The following ZNF385D variants were observed in gnomAD, a reference collection of about 807,000 sequenced individuals.
ZNF385D encodes the protein zinc finger protein 659.
In ZNF385D, 15 loss-of-function variants were observed where a neutral mutation model predicts 35.8. That is an observed-to-expected ratio of 0.42 (90% CI 0.28 to 0.64). ZNF385D has a LOEUF of 0.64. ZNF385D is among the 30% of genes least tolerant of loss of function. The pLI, the probability that ZNF385D is intolerant of heterozygous loss-of-function variation, is 0.23. For missense variants in ZNF385D, 474 were observed against 494.6 expected, an observed-to-expected ratio of 0.96 and a Z score of 0.39; for synonymous variants, 212 against 186.8, an observed-to-expected ratio of 1.13 and a Z score of -1.10.
intron 2 of ZNF385D, among the ~76,000 whole-genome samples, chr3:21,623,687 C>G (rs2065064915): frequency 6.6e-6 from 1 of 152,082 alleles, no homozygotes; most frequent in South Asian, 2.1e-4. Context: ...AAACAAAAAA[C>G]CACAATGTCT....
intron 3 of ZNF385D, among the ~76,000 whole-genome samples, chr3:21,825,667 G>T (rs1694559300): frequency 6.6e-6 from 1 of 152,318 alleles, no homozygotes; most frequent in Non-Finnish European, 1.5e-5. Context: ...CAAGACAGAA[G>T]AGAGGGACGC....
chr3:21,900,596 G>A (rs1259786890), intron 3 of ZNF385D, among the ~76,000 whole-genome samples: 2 of 151,924 alleles, frequency 1.3e-5, no homozygotes, highest in Non-Finnish European at 2.9e-5. Context: ...TAGATACATG[G>A]GGCCAGAATA....
At chr3:21,963,375 G>A (rs774951536) in intron 3 of ZNF385D, among the ~76,000 whole-genome samples, 8 of 152,166 alleles carry the variant, frequency 5.3e-5, no homozygotes, top group African/African-American at 1.2e-4. Flanking sequence ...TCAACTCTAC[G>A]TAGAACCGCA....
intron 3 of ZNF385D, among the ~76,000 whole-genome samples, chr3:22,066,711 G>A (rs960538880): frequency 6.6e-6 from 1 of 152,108 alleles, no homozygotes; most frequent in African/African-American, 2.4e-5. Context: ...GGAAGTTACT[G>A]CTAAGAAGAT....
At chr3:21,814,622 A>G (rs1332161648) in intron 3 of ZNF385D, among the ~76,000 whole-genome samples, 1 of 152,232 alleles carries the variant, frequency 6.6e-6, no homozygotes, top group African/African-American at 2.4e-5. Context: ...GATTTCAACA[A>G]GAAGAGCTAA....
At chr3:21,936,007 A>T (rs1186328570) in intron 3 of ZNF385D, among the ~76,000 whole-genome samples, 3 of 152,126 alleles carry the variant, frequency 2.0e-5, no homozygotes, top group African/African-American at 7.2e-5. Context: ...AGAGAAATGG[A>T]AGATGAAAGC....
intron 2 of ZNF385D, among the ~76,000 whole-genome samples, chr3:21,605,767 G>A (rs1275484524): frequency 6.6e-6 from 1 of 152,142 alleles, no homozygotes; most frequent in Non-Finnish European, 1.5e-5. Context: ...TCTGGTGAGT[G>A]ATCATTAGTT....
intron 3 of ZNF385D, among the ~76,000 whole-genome samples, chr3:22,044,835 A>C (rs1379944031): frequency 6.6e-6 from 1 of 152,062 alleles, no homozygotes; most frequent in African/African-American, 2.4e-5. Flanking sequence ...TGGGAGGAGG[A>C]GAGAAAATGA....
At chr3:21,822,402 A>G (rs1234994379) in intron 3 of ZNF385D, among the ~76,000 whole-genome samples, 1 of 152,120 alleles carries the variant, frequency 6.6e-6, no homozygotes, top group South Asian at 2.1e-4. Flanking sequence ...TGAAAAGAAA[A>G]CTTTTCAAAA....
intron 3 of ZNF385D, among the ~76,000 whole-genome samples, chr3:21,885,037 A>G (rs1012229279): frequency 2.0e-5 from 3 of 152,112 alleles, no homozygotes; most frequent in Admixed American, 6.6e-5. Context: ...TATATGGTCC[A>G]TGAATCCTAA....
intron 3 of ZNF385D, among the ~76,000 whole-genome samples, chr3:21,901,620 C>T (rs78059370): frequency 0.065 from 9,925 of 152,152 alleles, 346 homozygotes; most frequent in Middle Eastern, 0.085. Flanking sequence ...ATCCTCATTC[C>T]ACAGATGAGA....
intron 3 of ZNF385D, among the ~76,000 whole-genome samples, chr3:21,916,003 A>G (rs920934692): frequency 6.6e-5 from 10 of 152,190 alleles, no homozygotes; most frequent in African/African-American, 7.2e-5. Context: ...AAGGTGACTA[A>G]TAACAGCCAG....
chr3:21,446,063 A>G (rs1702130538), intron 4 of ZNF385D, among the ~76,000 whole-genome samples: 1 of 152,318 alleles, frequency 6.6e-6, no homozygotes, highest in East Asian at 1.9e-4. Context: ...GTTTGACAAA[A>G]CACAGACTGC....
At position 21,884,299 on chromosome 3, in the gene ZNF385D, A is replaced by G. The variant is rs556905843; in HGVS notation, c.326-219271T>C. Reference sequence around the variant, plus strand: ...GCACAGAGTGTGCCTTGCAAACAGTAGACAACTCTGAAAGTAGCCTTGCCT... The same window carrying G: ...GCACAGAGTGTGCCTTGCAAACAGTGGACAACTCTGAAAGTAGCCTTGCCT... On this transcript the variant is annotated intron_variant, in intron 3 of 5. Coordinates refer to the ZNF385D transcript ENST00000494108. 3.9e-5 allele frequency among the ~76,000 whole-genome samples: 6 copies of G among 152,192 alleles called. No individual in the cohort carries two copies. In the East Asian group the frequency reaches 1.2e-3, roughly 29 times the overall value.
chr3:21,651,821 T>A (rs1040612289), intron 2 of ZNF385D, among the ~76,000 whole-genome samples: 1 of 152,196 alleles, frequency 6.6e-6, no homozygotes, highest in Non-Finnish European at 1.5e-5. Flanking sequence ...CTATAAAAAA[T>A]TAAGCATCAA....
chr3:21,961,206 T>TA (rs1386483403), intron 3 of ZNF385D, among the ~76,000 whole-genome samples: 3 of 152,010 alleles, frequency 2.0e-5, no homozygotes, highest in East Asian at 1.9e-4. Context: ...ATATGTCAAC[T>TA]AAAAAAATAA....
intron 5 of ZNF385D, among the ~76,000 whole-genome samples, chr3:21,435,587 C>T (rs565243424): frequency 1.3e-5 from 2 of 152,234 alleles, no homozygotes; most frequent in African/African-American, 4.8e-5. Context: ...AAACTCTAGT[C>T]TCAAAGGACA....
At chr3:22,111,057 A>C (rs1702493242) in intron 3 of ZNF385D, among the ~76,000 whole-genome samples, 1 of 151,706 alleles carries the variant, frequency 6.6e-6, no homozygotes, top group African/African-American at 2.4e-5. Context: ...AAATGCTATT[A>C]ATTCAGACGT....
intron 3 of ZNF385D, among the ~76,000 whole-genome samples, chr3:21,948,529 G>T (rs1054759758): frequency 6.6e-6 from 1 of 151,950 alleles, no homozygotes; most frequent in Non-Finnish European, 1.5e-5. Flanking sequence ...TAACTACCCC[G>T]CTTCTCACAT....
Sources: allele counts gnomAD v4.1 joint callset (sites outside exome capture counted in the v4.1 genomes callset), GRCh38; gene constraint gnomAD v4.1.1; transcripts MANE v1.5; gene names NCBI Gene and HGNC (gene_info 2026-07-23, HGNC 2026-07-21).